Variants in NAB1 observed in about 807,000 individuals in gnomAD.
NAB1 encodes the protein NGFI-A binding protein 1.
NAB1 carries 25 observed loss-of-function variants against 49.9 expected under a neutral mutation model. The observed-to-expected ratio is 0.50, with a 90% CI of 0.37 to 0.70. The LOEUF (loss-of-function observed/expected upper bound fraction) is 0.70. Among genes scored for constraint, NAB1 ranks in the 30% least tolerant of loss-of-function variants. The pLI is 0.00. For synonymous variants in NAB1, 198 were observed against 215.6 expected (o/e 0.92, Z 0.71); for missense variants, 489 against 575.9 (o/e 0.85, Z 1.54).
At chr2:190,681,129 TGA>T (rs1695318927) in intron 6 of NAB1, among the ~76,000 whole-genome samples, 1 of 152,216 alleles carries the variant, frequency 6.6e-6, no homozygotes, top group Non-Finnish European at 1.5e-5. Flanking sequence ...TGTGTTTTTG[TGA>T]GTTTCATAAA....
chr2:190,658,498 T>C (rs987045239), intron 3 of NAB1, among the ~76,000 whole-genome samples: 8 of 152,214 alleles, frequency 5.3e-5, no homozygotes, highest in Admixed American at 5.2e-4. Flanking sequence ...AAAGAGTAAC[T>C]TCCTTCCTCA....
intron 5 of NAB1, among the ~76,000 whole-genome samples, chr2:190,671,393 G>A (rs1694797039): frequency 6.6e-6 from 1 of 151,982 alleles, no homozygotes; most frequent in African/African-American, 2.4e-5. Flanking sequence ...TCTGCCCTAC[G>A]TCAGTACCTA....
Position 190,670,568 on chromosome 2 carries a change from T to C in NAB1, c.953+109T>C. On this transcript the variant is annotated intron_variant, in intron 5 of 9. Coordinates refer to ENST00000337386, the MANE Select transcript of NAB1 (RefSeq NM_005966.4). The surrounding 1 kb of genome is among the most constrained non-coding windows in gnomAD (Gnocchi z 5.3). ...CATTTCTGAAAAAGTGGAAGTATGA[T>C]TATTGTTCTATGAAACTAAACAATG... 8.1e-7 allele frequency: 1 copy of C among 1,238,838 alleles called. No individual in the cohort carries two copies. Among genetic ancestry groups the C allele is most frequent in the East Asian group, 2.4e-5 (1 of 41,194 alleles). 76.7% of individuals were successfully genotyped at this position (1,238,838 alleles called of 1,614,324 possible).
rs892750561 is a variant in NAB1, at chr2:190,663,951, T to C, written c.819+3956T>C. Among the ~76,000 whole-genome samples, 1 of 152,180 alleles carries C rather than the reference T, an allele frequency of 6.6e-6. No homozygotes were observed. The highest frequency in any genetic ancestry group is 2.4e-5 in the African/African-American group (1 of 41,448). Reference sequence around the variant, plus strand: ...CTAATGATTTCTGACTTAATTACATTGAGGGCAAGAGAACATGGTTTGTGT... The same window carrying C: ...CTAATGATTTCTGACTTAATTACATCGAGGGCAAGAGAACATGGTTTGTGT... On this transcript the variant is annotated intron_variant, in intron 4 of 9. Coordinates refer to ENST00000337386, the MANE Select transcript of NAB1 (RefSeq NM_005966.4). This position sits in a 1 kb window ranked among gnomAD's most constrained non-coding sequence, Gnocchi z 4.2.
In NAB1 at chr2:190,663,777, A is replaced by G. The variant is rs541606753; in HGVS notation, c.819+3782A>G. The stretch of plus-strand genomic sequence containing the variant: ...AGCAATTAAAGTATAAATTTTCACT[A>G]TGTATTGATTCAGTGTTATTCCCAA... On this transcript the variant is annotated intron_variant, in intron 4 of 9. Coordinates refer to ENST00000337386, the MANE Select transcript of NAB1 (RefSeq NM_005966.4). This position sits in a 1 kb window ranked among gnomAD's most constrained non-coding sequence, Gnocchi z 4.2. Among the ~76,000 whole-genome samples, 31 of 152,242 alleles carry G rather than the reference A, an allele frequency of 2.0e-4. No homozygotes were observed. Among genetic ancestry groups the G allele is most frequent in the Non-Finnish European group, 2.4e-4 (16 of 68,002 alleles).
Position 190,670,055 on chromosome 2 carries a change from A to G in NAB1, c.820-271A>G, listed in dbSNP as rs1404959157. On this transcript the variant is annotated intron_variant, in intron 4 of 9. Transcript: ENST00000337386. The surrounding 1 kb of genome is among the most constrained non-coding windows in gnomAD (Gnocchi z 5.3). ...TTACTTTTTATTTTCCTTGTCGTCT[A>G]TAAACTCTCCTATCTAACCAAAAAA... Among the ~76,000 whole-genome samples the G allele has an allele frequency of 6.6e-6, 1 of 152,156 alleles. No homozygotes were observed. The highest frequency in any genetic ancestry group is 2.4e-5 in the African/African-American group (1 of 41,428).
rs1693727389 is a variant in NAB1, at chr2:190,652,654, A to C, written c.-197+2672A>C. 6.6e-6 allele frequency among the ~76,000 whole-genome samples: 1 copy of C among 152,202 alleles called. No homozygotes were observed. Among genetic ancestry groups the C allele is most frequent in the African/African-American group, 2.4e-5 (1 of 41,452 alleles). ...CCCAAATTACAGTCAATTCATTAGA[A>C]GGTATATATTTAATTCATAGCTAAG... is the stretch of plus-strand genomic sequence containing the variant. On this transcript the variant is annotated intron_variant, in intron 2 of 9. Coordinates refer to ENST00000337386, the MANE Select transcript of NAB1 (RefSeq NM_005966.4). The surrounding 1 kb of genome is among the most constrained non-coding windows in gnomAD (Gnocchi z 4.2).
chr2:190,672,361 G>A lies in NAB1; in HGVS notation c.954-740G>A, dbSNP rs187749380. 1.5e-3 allele frequency among the ~76,000 whole-genome samples: 223 copies of A among 152,236 alleles called. 1 individual carries two copies. The highest frequency in any genetic ancestry group is 5.1e-3 in the African/African-American group (211 of 41,530). On this transcript the variant is annotated intron_variant, in intron 5 of 9. Transcript: ENST00000337386. ...AATCTTTTATATTGAAGTATAACTT[G>A]TAGTTGATGGCTTGTCATAGTTTAA...
rs1253983120 is a variant in NAB1, at chr2:190,652,919, C to T, written c.-197+2937C>T. ...TTGCATAGAGCAAGCTTGTCCAACC[C>T]GAGGCCTGTGGTTGCATGCAGCCCA... On this transcript the variant is annotated intron_variant, in intron 2 of 9. Transcript: ENST00000337386. This position sits in a 1 kb window ranked among gnomAD's most constrained non-coding sequence, Gnocchi z 4.2. Among the ~76,000 whole-genome samples, 1 of 152,156 alleles carries T rather than the reference C, an allele frequency of 6.6e-6. No individual in the cohort carries two copies. Among genetic ancestry groups the T allele is most frequent in the African/African-American group, 2.4e-5 (1 of 41,432 alleles).
intron 5 of NAB1, among the ~76,000 whole-genome samples, chr2:190,671,769 CTTTTTTTTTTTTTT>C (rs1177937369): frequency 9.8e-5 from 7 of 71,722 alleles, no homozygotes; most frequent in African/African-American, 3.1e-4. Flanking sequence ...TTCACCTTTC[CTTTTTTTTTTTTTT>C]TTTTTTTTTT....
In NAB1 at chr2:190,680,880, C is replaced by A. The variant is rs13382951; in HGVS notation, c.1006-2858C>A. ...CATTTATCAAGTAATTCCTATGGGC[C>A]AGGCACTGTGTTAAGTATTTTTCAT... On this transcript the variant is annotated intron_variant, in intron 6 of 9. Coordinates refer to ENST00000337386, the MANE Select transcript of NAB1 (RefSeq NM_005966.4). This position sits in a 1 kb window ranked among gnomAD's most constrained non-coding sequence, Gnocchi z 5.2. Among the ~76,000 whole-genome samples the A allele has an allele frequency of 0.23, 34,529 of 151,994 alleles. 4,049 individuals carry two copies. Among genetic ancestry groups the A allele is most frequent in the Middle Eastern group, 0.25 (74 of 294 alleles).
chr2:190,657,164 T>C lies in NAB1; in HGVS notation c.-20+1011T>C, dbSNP rs1200544769. Among the ~76,000 whole-genome samples the C allele has an allele frequency of 6.6e-6, 1 of 152,230 alleles. No homozygotes were observed. The highest frequency in any genetic ancestry group is 1.5e-5 in the Non-Finnish European group (1 of 68,042). ...AGCAGCCCTTCTATTTGGTATAGTG[T>C]AGTTTAATATAGCTCTAAACTTGGG... On this transcript the variant is annotated intron_variant, in intron 3 of 9. Transcript: ENST00000337386. This position sits in a 1 kb window ranked among gnomAD's most constrained non-coding sequence, Gnocchi z 4.4.
chr2:190,667,847 A>G lies in NAB1; in HGVS notation c.820-2479A>G, dbSNP rs1417252812. ...ACATTTATATATTATTAGAGTAGGA[A>G]GAGATTTTCTTTGCCTGTCACCCAA... is the stretch of plus-strand genomic sequence containing the variant. On this transcript the variant is annotated intron_variant, in intron 4 of 9. Transcript: ENST00000337386. The surrounding 1 kb of genome is among the most constrained non-coding windows in gnomAD (Gnocchi z 4.4). 1.3e-5 allele frequency among the ~76,000 whole-genome samples: 2 copies of G among 152,176 alleles called. No homozygotes were observed. Among genetic ancestry groups the G allele is most frequent in the Admixed American group, 1.3e-4 (2 of 15,290 alleles).
chr2:190,688,987 C>T (rs1336850308), intron 9 of NAB1, among the ~76,000 whole-genome samples: 1 of 151,918 alleles, frequency 6.6e-6, no homozygotes, highest in Non-Finnish European at 1.5e-5. Context: ...TACAAGTGCC[C>T]GCCACTGCAC....
In NAB1 at chr2:190,659,480, G is replaced by A. The variant is rs201840460; in HGVS notation, c.304G>A (p.Gly102Arg). The A allele has an allele frequency of 1.2e-6, 2 of 1,614,016 alleles. No individual in the cohort carries two copies. Among genetic ancestry groups the A allele is most frequent in the Non-Finnish European group, 1.7e-6 (2 of 1,180,030 alleles). ...CATACCCATCTATAAATTACCAGAGGGATCACCAACATGGCTGGGAATATC... is the reference window on the plus strand; with the variant it reads ...CATACCCATCTATAAATTACCAGAGAGATCACCAACATGGCTGGGAATATC... ...SSIPIYKLPE[G>R]SPTWLGISCS... Residue 102 changes from glycine (G) to arginine (R), a missense_variant, in exon 4 of 10, where the codon GGA becomes AGA. By Grantham distance (125) the Gly-to-Arg change is moderately radical. Around this residue, in one of 4 missense-constraint regions of NAB1, gnomAD observed 204 missense variants for 220.9 expected, o/e 0.92. Coordinates refer to ENST00000337386, the MANE Select transcript of NAB1 (RefSeq NM_005966.4). This position sits in a 1 kb window ranked among gnomAD's most constrained non-coding sequence, Gnocchi z 6.2.
rs1693982905 is a variant in NAB1, at chr2:190,657,471, A to G, written c.-20+1318A>G. On this transcript the variant is annotated intron_variant, in intron 3 of 9. Transcript: ENST00000337386. The surrounding 1 kb of genome is among the most constrained non-coding windows in gnomAD (Gnocchi z 4.4). Reference sequence around the variant, plus strand: ...TAATCATGGAAGTCTCCTGAGATGCATCTCAGGCACCTGGGAAACTGTATT... The same window carrying G: ...TAATCATGGAAGTCTCCTGAGATGCGTCTCAGGCACCTGGGAAACTGTATT... 2.0e-5 allele frequency among the ~76,000 whole-genome samples: 3 copies of G among 152,306 alleles called. No homozygotes were observed. The highest frequency in any genetic ancestry group is 1.3e-4 in the Admixed American group (2 of 15,296).
At position 190,685,425 on chromosome 2, in the gene NAB1, A is replaced by C; in HGVS notation, c.1096-51A>C. 6.6e-7 allele frequency: 1 copy of C among 1,506,374 alleles called. No individual in the cohort carries two copies. The allele number at this position is 1,506,374 out of a possible 1,614,324, so 93.3% of individuals were successfully genotyped here. A position where few individuals can be genotyped will look rare whatever the true frequency, so the allele number is the denominator to read the frequency against. ...TGAAATTGGCATCTTTAAACCATTA[A>C]AAAATCTAGAATGTTTCAGTTACTG... On this transcript the variant is annotated intron_variant, in intron 7 of 9. Coordinates refer to ENST00000337386, the MANE Select transcript of NAB1 (RefSeq NM_005966.4). The surrounding 1 kb of genome is among the most constrained non-coding windows in gnomAD (Gnocchi z 4.5).
rs1693713710 is a variant in NAB1 at position 190,652,410 on chromosome 2, A to ATT, written c.-197+2429_-197+2430insTT. Among the ~76,000 whole-genome samples, 2 of 152,192 alleles carry ATT rather than the reference A, an allele frequency of 1.3e-5. No homozygotes were observed. The highest frequency in any genetic ancestry group is 1.3e-4 in the Admixed American group (2 of 15,272). On this transcript the variant is annotated intron_variant, in intron 2 of 9. Transcript: ENST00000337386. This position sits in a 1 kb window ranked among gnomAD's most constrained non-coding sequence, Gnocchi z 4.2. ...TAAGAATTTCCAGCCATTGTACGAA[A>ATT]TGCTAGTATTTGCCTATTGTTACTA...
Position 190,679,965 on chromosome 2 carries a change from C to T in NAB1, c.1006-3773C>T, listed in dbSNP as rs763676658. Among the ~76,000 whole-genome samples the T allele has an allele frequency of 3.9e-5, 6 of 152,160 alleles. No homozygotes were observed. The highest frequency in any genetic ancestry group is 7.4e-5 in the Non-Finnish European group (5 of 68,026). ...GGTCTCACTAGCAAATGAGCTCAACCGAATTCATCAGTGTTCTGGCCCCTC... is the reference window on the plus strand; with the variant it reads ...GGTCTCACTAGCAAATGAGCTCAACTGAATTCATCAGTGTTCTGGCCCCTC... On this transcript the variant is annotated intron_variant, in intron 6 of 9. Coordinates refer to ENST00000337386, the MANE Select transcript of NAB1 (RefSeq NM_005966.4). This position sits in a 1 kb window ranked among gnomAD's most constrained non-coding sequence, Gnocchi z 5.3.
Sources: gnomAD v4.1 joint callset for allele counts (sites outside exome capture counted in the v4.1 genomes callset) on GRCh38, gnomAD v4.1.1 for gene constraint, gnomAD v4.1.1 regional missense constraint, Gnocchi (gnomAD v3.1) non-coding constraint, MANE v1.5 for transcripts, NCBI Gene and HGNC (gene_info 2026-07-23, HGNC 2026-07-21) for gene names.